The following RBFOX1 variants were observed in gnomAD, a reference collection of about 807,000 sequenced individuals.
The protein encoded by RBFOX1 is RNA binding fox-1 homolog 1, also known as RNA binding protein fox-1 homolog 1.
In RBFOX1, 8 loss-of-function variants were observed where a neutral mutation model predicts 57.7. The observed-to-expected ratio is 0.14, with a 90% confidence interval of 0.08 to 0.25. The LOEUF is 0.25. Among genes scored for constraint, RBFOX1 ranks in the 10% least tolerant of loss-of-function variants. The pLI is 1.00. For synonymous variants in RBFOX1, 326 were observed against 222.4 expected, an observed-to-expected ratio of 1.47 and a Z score of -4.15; for missense variants, 611 against 548.5, an observed-to-expected ratio of 1.11 and a Z score of -1.14.
downstream of RBFOX1, among the ~76,000 whole-genome samples, chr16:5,605,021 G>A (rs1448557091): frequency 2.0e-5 from 3 of 152,284 alleles, no homozygotes; most frequent in East Asian, 3.9e-4. Context: ...TCTACAGCCC[G>A]CGCACACACA....
intron 12 of RBFOX1, among the ~76,000 whole-genome samples, chr16:7,661,934 G>C (rs1048712739): frequency 6.6e-6 from 1 of 152,262 alleles, no homozygotes; most frequent in South Asian, 2.1e-4. Context: ...CAAACATCCC[G>C]GCATGTTCTT....
chr16:7,351,744 C>CT (rs1412935666), intron 4 of RBFOX1, among the ~76,000 whole-genome samples: 3 of 152,178 alleles, frequency 2.0e-5, no homozygotes, highest in Non-Finnish European at 2.9e-5. Context: ...CAGGGAGCAG[C>CT]TGACTTACTG....
At chr16:7,348,066 A>C (rs2097052804) in intron 4 of RBFOX1, among the ~76,000 whole-genome samples, 1 of 152,264 alleles carries the variant, frequency 6.6e-6, no homozygotes, top group Admixed American at 6.5e-5. Context: ...TCTGTTTAAC[A>C]GAAAATTCAC....
intron 2 of RBFOX1, among the ~76,000 whole-genome samples, chr16:6,440,371 G>A (rs1398321332): frequency 1.3e-5 from 2 of 152,208 alleles, no homozygotes; most frequent in South Asian, 2.1e-4. Context: ...ATCTATGTCT[G>A]CAAGGTAGCT....
intron 3 of RBFOX1, among the ~76,000 whole-genome samples, chr16:6,871,565 T>G (rs924850549): frequency 2.0e-5 from 3 of 152,072 alleles, no homozygotes; most frequent in African/African-American, 7.2e-5. Context: ...CCCTCTTAAT[T>G]ACTGACTGAA....
intron 1 of RBFOX1, among the ~76,000 whole-genome samples, chr16:5,278,675 C>T (rs1430485447): frequency 6.6e-6 from 1 of 152,122 alleles, no homozygotes; most frequent in Non-Finnish European, 1.5e-5. Flanking sequence ...AATCTTTGTT[C>T]TCAAGAGTTT....
chr16:6,863,675 A>AG (rs1448639975), intron 3 of RBFOX1, among the ~76,000 whole-genome samples: 1 of 147,092 alleles, frequency 6.8e-6, no homozygotes, highest in Non-Finnish European at 1.5e-5. Context: ...TTCCTTAAAA[A>AG]AAAAAAAAGA....
At chr16:6,569,654 A>G (rs758001614) in intron 2 of RBFOX1, among the ~76,000 whole-genome samples, 1 of 152,194 alleles carries the variant, frequency 6.6e-6, no homozygotes, top group Non-Finnish European at 1.5e-5. Flanking sequence ...CTTTCTGTCC[A>G]TGGGTGGTTT....
chr16:6,460,776 A>C (rs142188470), intron 2 of RBFOX1, among the ~76,000 whole-genome samples: 15 of 151,642 alleles, frequency 9.9e-5, no homozygotes, highest in Non-Finnish European at 1.8e-4. Context: ...AAATCATTCT[A>C]TTATAAAGAT....
At chr16:5,314,065 C>G (rs534946557) in intron 1 of RBFOX1, among the ~76,000 whole-genome samples, 1 of 152,284 alleles carries the variant, frequency 6.6e-6, no homozygotes, top group East Asian at 1.9e-4. Context: ...TGTGAGCTAA[C>G]ATTTATGCAG....
chr16:6,488,991 A>G (rs558097131), intron 2 of RBFOX1, among the ~76,000 whole-genome samples: 12 of 152,306 alleles, frequency 7.9e-5, no homozygotes, highest in African/African-American at 2.9e-4. Context: ...TAGGATCATG[A>G]TGCAAAATCA....
At chr16:7,699,451 C>T (rs1598404631) in intron 14 of RBFOX1, among the ~76,000 whole-genome samples, 1 of 152,190 alleles carries the variant, frequency 6.6e-6, no homozygotes, top group African/African-American at 2.4e-5. Flanking sequence ...TTTGGCCTAC[C>T]AAAGTCCTGC....
At chr16:6,413,295 C>T (rs1015029007) in intron 2 of RBFOX1, among the ~76,000 whole-genome samples, 11 of 141,160 alleles carry the variant, frequency 7.8e-5, no homozygotes, top group African/African-American at 2.5e-4. Flanking sequence ...CTCCAGCCTG[C>T]GCAACAAGAG....
intron 1 of RBFOX1, among the ~76,000 whole-genome samples, chr16:6,242,651 C>CACAG (rs1246410541): frequency 6.6e-5 from 10 of 150,444 alleles, no homozygotes; most frequent in Non-Finnish European, 1.3e-4. Flanking sequence ...CACACACACA[C>CACAG]ACACACACAC....
At chr16:6,791,097 G>C (rs1317585912) in intron 3 of RBFOX1, among the ~76,000 whole-genome samples, 5 of 151,900 alleles carry the variant, frequency 3.3e-5, no homozygotes, top group Admixed American at 2.6e-4. Context: ...TGTAGGGATG[G>C]GGTTTTGCCA....
At chr16:6,957,839 G>C (rs2082187902) in intron 3 of RBFOX1, among the ~76,000 whole-genome samples, 1 of 152,128 alleles carries the variant, frequency 6.6e-6, no homozygotes, top group Non-Finnish European at 1.5e-5. Flanking sequence ...TGTGTAGTTA[G>C]CCTGGACTTC....
intron 4 of RBFOX1, among the ~76,000 whole-genome samples, chr16:7,447,430 CA>C (rs202234230): frequency 0.17 from 16,898 of 98,196 alleles, 1,072 homozygotes; most frequent in South Asian, 0.38. Flanking sequence ...GAGTCTATCT[CA>C]AAAAAAAAAA....
At chr16:5,252,200 A>G (rs1254631421) in intron 1 of RBFOX1, among the ~76,000 whole-genome samples, 1 of 152,180 alleles carries the variant, frequency 6.6e-6, no homozygotes, top group African/African-American at 2.4e-5. Context: ...TCTAAGGCAT[A>G]TGGGTTTGTG....
chr16:5,503,171 G>C (rs1474772174), intron 2 of RBFOX1, among the ~76,000 whole-genome samples: 2 of 152,166 alleles, frequency 1.3e-5, no homozygotes, highest in Non-Finnish European at 2.9e-5. Flanking sequence ...CTTCCGGCAA[G>C]AGAATTAACA....
Sources: gnomAD v4.1 joint callset for allele counts (sites outside exome capture counted in the v4.1 genomes callset) on GRCh38, gnomAD v4.1.1 for gene constraint, MANE v1.5 for transcripts, NCBI Gene and HGNC (gene_info 2026-07-23, HGNC 2026-07-21) for gene names.